Variants in SMAP2 observed in about 807,000 individuals in gnomAD.
The protein encoded by SMAP2 is small ArfGAP2, also known as stromal membrane-associated protein 2.
A neutral mutation model predicts 56.4 loss-of-function variants in SMAP2; 25 were observed. The observed-to-expected ratio is 0.44, with a 90% CI of 0.32 to 0.62. SMAP2 has a LOEUF of 0.62. SMAP2 is among the 20% of genes least tolerant of loss of function. The pLI, the probability that SMAP2 is intolerant of heterozygous loss-of-function variation, is 0.04. For synonymous variants in SMAP2, 157 were observed against 181.7 expected (o/e 0.86, Z 1.09); for missense variants, 388 against 545.6 (o/e 0.71, Z 2.88).
Position 40,386,276 on chromosome 1 carries a change from C to T in SMAP2, c.103+12053C>T, listed in dbSNP as rs549000441. 3.3e-5 allele frequency among the ~76,000 whole-genome samples: 5 copies of T among 152,160 alleles called. No homozygotes were observed. Among genetic ancestry groups the T allele is most frequent in the South Asian group, 2.1e-4 (1 of 4,836 alleles). Reference sequence around the variant, plus strand: ...TTCTGCTATGTTGAAATCATTTTTACTGAAAGATTAGCTGTTTGGAACAGG... The same window carrying T: ...TTCTGCTATGTTGAAATCATTTTTATTGAAAGATTAGCTGTTTGGAACAGG... On this transcript the variant is annotated intron_variant, in intron 1 of 9. Transcript: ENST00000372718. This position sits in a 1 kb window ranked among gnomAD's most constrained non-coding sequence, Gnocchi z 4.1.
chr1:40,422,041 A>C lies in SMAP2; in HGVS notation c.1230A>C (p.Ser410=). Residue 410 remains serine, a synonymous_variant, in exon 10 of 10, where the codon TCA becomes TCC. Coordinates refer to ENST00000372718, the MANE Select transcript of SMAP2 (RefSeq NM_022733.3). ...GANGMMNYGQ[S]MSGGNGQAAN... ...ATGGCATGATGAACTATGGACAGTC[A>C]ATGAGTGGCGGAAATGGACAGGCAG... 6.2e-7 allele frequency: 1 copy of C among 1,614,192 alleles called. No individual in the cohort carries two copies. Among genetic ancestry groups the C allele is most frequent in the Non-Finnish European group, 8.5e-7 (1 of 1,180,020 alleles).
At chr1:40,383,530 C>T (rs1303750352) in intron 1 of SMAP2, among the ~76,000 whole-genome samples, 3 of 152,176 alleles carry the variant, frequency 2.0e-5, no homozygotes, top group African/African-American at 7.2e-5. Context: ...GACAAGAGAA[C>T]GGAAGGGTTT....
In SMAP2 at chr1:40,382,698, G is replaced by A. The variant is rs528870866; in HGVS notation, c.103+8475G>A. 1.1e-4 allele frequency among the ~76,000 whole-genome samples: 16 copies of A among 152,252 alleles called. No homozygotes were observed. The Middle Eastern group carries it at 0.01, about 97-fold the overall frequency. On this transcript the variant is annotated intron_variant, in intron 1 of 9. Transcript: ENST00000372718. ...TTTACCAAATTCCTCTATTGTTAAA[G>A]CAACAGTCCTATATTGGCTAATTTT...
At chr1:40,345,270 G>A (rs908123580) in intron 1 of SMAP2, among the ~76,000 whole-genome samples, 1 of 151,940 alleles carries the variant, frequency 6.6e-6, no homozygotes, top group African/African-American at 2.4e-5. Flanking sequence ...TGGGCATGGT[G>A]GCACACACCT....
chr1:40,379,620 C>A (rs546334697), intron 1 of SMAP2, among the ~76,000 whole-genome samples: 123 of 135,260 alleles, frequency 9.1e-4, no homozygotes, highest in African/African-American at 3.3e-3. Flanking sequence ...AGTCTTGGCT[C>A]ACTGCAAACT....
intron 2 of SMAP2, 56 bp downstream of exon 2, chr1:40,406,925 C>A: frequency 1.3e-6 from 2 of 1,505,480 alleles, no homozygotes; most frequent in Non-Finnish European, 1.8e-6. Flanking sequence ...AAAGGAATTC[C>A]AGATGAATTT....
chr1:40,377,144 G>T (rs1475221611), intron 1 of SMAP2, among the ~76,000 whole-genome samples: 1 of 152,064 alleles, frequency 6.6e-6, no homozygotes, highest in Non-Finnish European at 1.5e-5. Context: ...AAATTAGCTG[G>T]GTGTGGTGTT....
rs1011355058 is a variant in SMAP2 at position 40,387,104 on chromosome 1, C to T, written c.103+12881C>T. Among the ~76,000 whole-genome samples, 4 of 152,274 alleles carry T rather than the reference C, an allele frequency of 2.6e-5. No individual in the cohort carries two copies. The South Asian group carries it at 8.3e-4, about 32-fold the overall frequency. ...CTGAGCTCACATCATCTGCCTGCCTCGGCCTGCCGGAGTGCCAGGATTACA... is the reference window on the plus strand; with the variant it reads ...CTGAGCTCACATCATCTGCCTGCCTTGGCCTGCCGGAGTGCCAGGATTACA... On this transcript the variant is annotated intron_variant, in intron 1 of 9. Transcript: ENST00000372718.
At chr1:40,391,343 CT>C (rs1644714198) in intron 1 of SMAP2, among the ~76,000 whole-genome samples, 1 of 152,174 alleles carries the variant, frequency 6.6e-6, no homozygotes, top group Non-Finnish European at 1.5e-5. Flanking sequence ...TTATGAGGGA[CT>C]TTAATGACCA....
chr1:40,396,667 C>T (rs925089386), intron 1 of SMAP2: 2 of 187,842 alleles, frequency 1.1e-5, no homozygotes, highest in South Asian at 1.8e-4. Flanking sequence ...ATTTTGGTCT[C>T]ATGGTTCCTT....
chr1:40,415,094 A>G (rs1644974030), intron 6 of SMAP2, among the ~76,000 whole-genome samples, 178 bp from the exon 7 acceptor site: 1 of 152,000 alleles, frequency 6.6e-6, no homozygotes, highest in African/African-American at 2.4e-5. Context: ...TCCCCAGAGC[A>G]CTCTGGGAAT....
In SMAP2 at chr1:40,374,483, G is replaced by A; in HGVS notation, c.103+260G>A. Reference sequence around the variant, plus strand: ...GAAGTTGCCTGGCGTGTTCAGGTGAGAATGTCTGTATTTGAGGGCTCTGAA... The same window carrying A: ...GAAGTTGCCTGGCGTGTTCAGGTGAAAATGTCTGTATTTGAGGGCTCTGAA... On this transcript the variant is annotated intron_variant, in intron 1 of 9. Coordinates refer to ENST00000372718, the MANE Select transcript of SMAP2 (RefSeq NM_022733.3). The surrounding 1 kb of genome is among the most constrained non-coding windows in gnomAD (Gnocchi z 5.9). 1 of 202,476 alleles carries A rather than the reference G, an allele frequency of 4.9e-6. No homozygotes were observed. Among genetic ancestry groups the A allele is most frequent in the South Asian group, 1.7e-4 (1 of 5,784 alleles). 12.5% of individuals were successfully genotyped at this position (202,476 alleles called of 1,614,324 possible).
intron 9 of SMAP2, among the ~76,000 whole-genome samples, chr1:40,417,875 C>A (rs758884393): frequency 4.6e-5 from 7 of 152,084 alleles, no homozygotes; most frequent in Non-Finnish European, 8.8e-5. Context: ...TGCTCTTAAT[C>A]TAAGAAATTT....
intron 1 of SMAP2, among the ~76,000 whole-genome samples, chr1:40,405,873 A>C (rs903774272): frequency 6.6e-6 from 1 of 152,158 alleles, no homozygotes; most frequent in African/African-American, 2.4e-5. Flanking sequence ...TAAAATTCAT[A>C]TTTGAGATTT....
At chr1:40,394,388 G>A (rs1644749286) in intron 1 of SMAP2, among the ~76,000 whole-genome samples, 1 of 152,072 alleles carries the variant, frequency 6.6e-6, no homozygotes, top group South Asian at 2.1e-4. Flanking sequence ...GAAGTCTATT[G>A]TCCTCAAAGG....
At chr1:40,396,868 G>A in intron 1 of SMAP2, 1 of 984,398 alleles carries the variant, frequency 1.0e-6, no homozygotes, top group Non-Finnish European at 1.2e-6. Flanking sequence ...AGAGAATGGA[G>A]GGATATAATG....
At chr1:40,358,868 C>T (rs1644448190) in intron 1 of SMAP2, among the ~76,000 whole-genome samples, 1 of 152,136 alleles carries the variant, frequency 6.6e-6, no homozygotes, top group South Asian at 2.1e-4. Context: ...CTCTCTTTAG[C>T]TCTAATAATA....
At chr1:40,348,120 G>T (rs1393963989) in intron 1 of SMAP2, among the ~76,000 whole-genome samples, 1 of 151,506 alleles carries the variant, frequency 6.6e-6, no homozygotes, top group African/African-American at 2.4e-5. Flanking sequence ...AACATAGCGT[G>T]ACCTCATCTC....
intron 9 of SMAP2, among the ~76,000 whole-genome samples, chr1:40,418,057 T>A (rs189376120): frequency 6.6e-6 from 1 of 152,178 alleles, no homozygotes; most frequent in Non-Finnish European, 1.5e-5. Flanking sequence ...CAAAAAACAG[T>A]CATGAAGCAG....
Sources: allele counts gnomAD v4.1 joint callset (sites outside exome capture counted in the v4.1 genomes callset), GRCh38; gene constraint gnomAD v4.1.1; non-coding constraint Gnocchi (gnomAD v3.1); transcripts MANE v1.5; gene names NCBI Gene and HGNC (gene_info 2026-07-23, HGNC 2026-07-21).